Variants in GPHN observed in about 807,000 individuals in gnomAD.
The protein encoded by GPHN is gephyrin.
A neutral mutation model predicts 95.5 loss-of-function variants in GPHN; 17 were observed. The observed-to-expected ratio is 0.18, with a 90% CI of 0.12 to 0.27. The LOEUF is 0.27. GPHN is among the 10% of genes least tolerant of loss of function. GPHN has a pLI of 1.00. For missense variants in GPHN, 660 were observed against 978.1 expected (o/e 0.67, Z 4.34); for synonymous variants, 320 against 322.5 (o/e 0.99, Z 0.08).
intron 13 of GPHN, among the ~76,000 whole-genome samples, chr14:67,103,501 G>A (rs976205034): frequency 1.5e-5 from 1 of 68,732 alleles, no homozygotes; most frequent in African/African-American, 5.5e-5. Context: ...ATGGGATGCT[G>A]TTTCTTTCTC....
At chr14:66,613,490 AAGAG>A (rs979151446) in intron 1 of GPHN, among the ~76,000 whole-genome samples, 47 of 152,070 alleles carry the variant, frequency 3.1e-4, no homozygotes, top group Admixed American at 5.9e-4. Flanking sequence ...TTGCCAAAAC[AAGAG>A]AGAGTATTGG....
At chr14:67,346,759 A>T in the GPHN span, among the ~76,000 whole-genome samples, 74 of 152,372 alleles carry the variant, frequency 4.9e-4, no homozygotes, top group Non-Finnish European at 9.7e-4. Flanking sequence ...TTCAGGTTGC[A>T]TCAGTGTCTA....
chr14:66,976,090 C>G (rs1183797200), intron 9 of GPHN, among the ~76,000 whole-genome samples: 1 of 152,056 alleles, frequency 6.6e-6, no homozygotes, highest in Non-Finnish European at 1.5e-5. Context: ...ATGTGTTTAT[C>G]TTTTGCATTC....
the GPHN span, among the ~76,000 whole-genome samples, chr14:67,532,094 C>T: frequency 6.6e-6 from 1 of 152,238 alleles, no homozygotes; most frequent in Non-Finnish European, 1.5e-5. Context: ...TTTGCAAGTT[C>T]AGCCATTGAA....
chr14:66,740,341 A>G (rs1233793448), intron 2 of GPHN, among the ~76,000 whole-genome samples: 1 of 152,142 alleles, frequency 6.6e-6, no homozygotes, highest in African/African-American at 2.4e-5. Flanking sequence ...GGAAATATTT[A>G]CCTTAAGAGT....
chr14:66,940,888 GATGTCTCATGAC>G (rs2067391220), intron 8 of GPHN, among the ~76,000 whole-genome samples: 1 of 152,188 alleles, frequency 6.6e-6, no homozygotes, highest in South Asian at 2.1e-4. Context: ...GAGAGAAAAG[GATGTCTCATGAC>G]ATGCCCAAAT....
the GPHN span, chr14:67,200,373 G>A: frequency 1.6e-5 from 10 of 621,142 alleles, no homozygotes; most frequent in African/African-American, 7.8e-5. Context: ...ATATCTTTTC[G>A]ATACCTTGGA....
At chr14:67,597,904 A>C in the GPHN span, among the ~76,000 whole-genome samples, 1 of 152,236 alleles carries the variant, frequency 6.6e-6, no homozygotes, top group Non-Finnish European at 1.5e-5. Flanking sequence ...GGTTGGAATA[A>C]ACAAGGGAAC....
chr14:67,164,917 GAA>G (rs1166963179), intron 19 of GPHN, among the ~76,000 whole-genome samples: 4 of 131,906 alleles, frequency 3.0e-5, no homozygotes, highest in Admixed American at 7.6e-5. Context: ...GCACTGGCAA[GAA>G]AAAAAAAAAA....
the GPHN span, among the ~76,000 whole-genome samples, chr14:67,631,273 C>T: frequency 6.6e-6 from 1 of 152,146 alleles, no homozygotes; most frequent in Non-Finnish European, 1.5e-5. Context: ...TGCAATAAAC[C>T]TAGTATTGCT....
At chr14:66,647,558 C>T (rs2064823348) in intron 1 of GPHN, among the ~76,000 whole-genome samples, 1 of 151,746 alleles carries the variant, frequency 6.6e-6, no homozygotes, top group Non-Finnish European at 1.5e-5. Flanking sequence ...CCTGTATATA[C>T]CTTGTTTTTT....
chr14:67,608,008 A>C, the GPHN span, among the ~76,000 whole-genome samples: 2 of 152,122 alleles, frequency 1.3e-5, no homozygotes, highest in Non-Finnish European at 2.9e-5. Flanking sequence ...AGGCTGAGAC[A>C]GGAGGATTCC....
intron 11 of GPHN, among the ~76,000 whole-genome samples, chr14:67,064,167 C>G (rs2075941910): frequency 1.3e-5 from 2 of 152,078 alleles, no homozygotes; most frequent in African/African-American, 4.8e-5. Flanking sequence ...TGTCGAAGGC[C>G]TTTTCTGCAT....
intron 8 of GPHN, among the ~76,000 whole-genome samples, chr14:66,951,273 A>C (rs1567141191): frequency 6.6e-6 from 1 of 152,050 alleles, no homozygotes; most frequent in Non-Finnish European, 1.5e-5. Context: ...TAAACCCAGC[A>C]CTTTGGGGGC....
chr14:67,300,680 A>G, the GPHN span, among the ~76,000 whole-genome samples: 2 of 152,116 alleles, frequency 1.3e-5, no homozygotes, highest in Non-Finnish European at 2.9e-5. Flanking sequence ...AGTAGGTGCC[A>G]TTCTAAAGAT....
the GPHN span, among the ~76,000 whole-genome samples, chr14:67,599,785 G>A: frequency 6.6e-6 from 1 of 152,170 alleles, no homozygotes; most frequent in Admixed American, 6.5e-5. Flanking sequence ...TGAACCCACG[G>A]AGCAGAGCAC....
intron 14 of GPHN, 150 bp downstream of exon 14, chr14:67,110,409 A>G: frequency 1.4e-6 from 1 of 733,954 alleles, no homozygotes; most frequent in East Asian, 2.6e-5. Context: ...ATATTGTAGT[A>G]TATGAGTCTC....
chr14:66,801,341 G>T (rs553903298), intron 3 of GPHN, among the ~76,000 whole-genome samples: 12 of 152,062 alleles, frequency 7.9e-5, no homozygotes, highest in African/African-American at 2.7e-4. Flanking sequence ...CATCCTTCTT[G>T]GGAAGGCTTT....
At chr14:67,569,041 G>T in the GPHN span, 1 of 782,950 alleles carries the variant, frequency 1.3e-6, no homozygotes, top group East Asian at 2.6e-5. Flanking sequence ...CCACAGGTCT[G>T]CCCACCCCCA....
Sources: gnomAD v4.1 joint callset for allele counts (sites outside exome capture counted in the v4.1 genomes callset) on GRCh38, gnomAD v4.1.1 for gene constraint, MANE v1.5 for transcripts, NCBI Gene and HGNC (gene_info 2026-07-23, HGNC 2026-07-21) for gene names.